The following CLSTN2 variants were observed in gnomAD, a reference collection of about 807,000 sequenced individuals.
The protein encoded by CLSTN2 is calsyntenin-2.
CLSTN2 carries 48 observed loss-of-function variants against 101.2 expected under a neutral mutation model. That is an observed-to-expected ratio of 0.47 (90% confidence interval 0.38 to 0.60). The LOEUF (loss-of-function observed/expected upper bound fraction) is 0.60, where lower values mean the gene tolerates loss of function less well. Ranked by LOEUF, CLSTN2 falls within the 20% of genes least tolerant of loss-of-function variation. The pLI is 0.00. For synonymous variants in CLSTN2, 481 were observed against 463.6 expected (o/e 1.04, Z -0.48); for missense variants, 1,160 against 1,238.2 (o/e 0.94, Z 0.95).
intron 9 of CLSTN2, among the ~76,000 whole-genome samples, chr3:140,542,675 T>A (rs900876571): frequency 1.3e-5 from 2 of 152,234 alleles, no homozygotes; most frequent in African/African-American, 4.8e-5. Context: ...TTGTCACTGA[T>A]AAATAGAGTG....
intron 1 of CLSTN2, among the ~76,000 whole-genome samples, chr3:140,008,928 C>T (rs1027423718): frequency 6.6e-6 from 1 of 152,194 alleles, no homozygotes; most frequent in Non-Finnish European, 1.5e-5. Context: ...GTTTTGCAGA[C>T]TTTCTCAAAT....
intron 5 of CLSTN2, among the ~76,000 whole-genome samples, chr3:140,447,122 C>T (rs1419024218): frequency 6.6e-6 from 1 of 152,198 alleles, no homozygotes; most frequent in Non-Finnish European, 1.5e-5. Flanking sequence ...GATACTGAGT[C>T]CCACAATGCA....
chr3:140,552,067 C>G (rs767428498), intron 10 of CLSTN2, among the ~76,000 whole-genome samples: 15 of 152,088 alleles, frequency 9.9e-5, no homozygotes, highest in Non-Finnish European at 2.1e-4. Context: ...GGGTTCCTAT[C>G]AAGTCATAGC....
At chr3:140,165,739 G>C (rs552386512) in intron 1 of CLSTN2, among the ~76,000 whole-genome samples, 10 of 152,212 alleles carry the variant, frequency 6.6e-5, no homozygotes, top group Admixed American at 5.2e-4. Flanking sequence ...GGCAGAATCA[G>C]ATTTGCCCTC....
intron 2 of CLSTN2, among the ~76,000 whole-genome samples, chr3:140,268,935 T>G (rs1026859928): frequency 8.5e-5 from 13 of 152,200 alleles, no homozygotes; most frequent in African/African-American, 3.1e-4. Context: ...AGTGGTGTTC[T>G]GGGCCCTGGA....
At chr3:140,090,813 T>C (rs1413465674) in intron 1 of CLSTN2, among the ~76,000 whole-genome samples, 1 of 152,000 alleles carries the variant, frequency 6.6e-6, no homozygotes, top group African/African-American at 2.4e-5. Context: ...AAGGGCAAGA[T>C]AGACCATTAA....
At chr3:140,524,680 C>T (rs1040215218) in intron 8 of CLSTN2, among the ~76,000 whole-genome samples, 1 of 152,148 alleles carries the variant, frequency 6.6e-6, no homozygotes, top group Non-Finnish European at 1.5e-5. Context: ...TAAGATCAAT[C>T]ACATGCTCAG....
At chr3:140,193,869 C>G (rs2010607744) in intron 2 of CLSTN2, among the ~76,000 whole-genome samples, 1 of 151,976 alleles carries the variant, frequency 6.6e-6, no homozygotes, top group South Asian at 2.1e-4. Flanking sequence ...TCCTATTTTT[C>G]TCTTTTCCTG....
At chr3:140,527,952 A>G (rs1246079280) in intron 8 of CLSTN2, among the ~76,000 whole-genome samples, 1 of 151,890 alleles carries the variant, frequency 6.6e-6, no homozygotes, top group East Asian at 1.9e-4. Context: ...GGGTTGAAAA[A>G]CCACCTATTG....
At chr3:140,178,807 G>A (rs745632714) in intron 2 of CLSTN2, among the ~76,000 whole-genome samples, 4 of 152,090 alleles carry the variant, frequency 2.6e-5, no homozygotes, top group African/African-American at 9.7e-5. Context: ...ATCACTCCTC[G>A]AAGTCAACTG....
intron 1 of CLSTN2, among the ~76,000 whole-genome samples, chr3:140,066,148 C>T (rs974594678): frequency 2.0e-5 from 3 of 152,186 alleles, no homozygotes; most frequent in African/African-American, 7.2e-5. Flanking sequence ...ATTTCTACTC[C>T]ACCATCCTAC....
chr3:140,446,166 G>A (rs1933072996), intron 5 of CLSTN2, among the ~76,000 whole-genome samples: 1 of 152,178 alleles, frequency 6.6e-6, no homozygotes, highest in African/African-American at 2.4e-5. Context: ...GCCACCTTTT[G>A]CTCCAGTGGT....
rs539340173 is a variant in CLSTN2 at position 140,178,229 on chromosome 3, C to T, written c.232+2156C>T. Among the ~76,000 whole-genome samples the T allele has an allele frequency of 2.0e-5, 3 of 151,868 alleles. No homozygotes were observed. The South Asian group carries it at 6.2e-4, about 32-fold the overall frequency. ...AGTTATAAGCTCTCTAATGTACAGA[C>T]CACAATAGAAAAAAAAAATACCTCA... On this transcript the variant is annotated intron_variant, in intron 2 of 16. Transcript: ENST00000458420.
At chr3:140,563,302 C>A in intron 15 of CLSTN2, 99 bp downstream of exon 15, 1 of 1,396,854 alleles carries the variant, frequency 7.2e-7, no homozygotes, top group Non-Finnish European at 9.8e-7. Flanking sequence ...AACGTAGGTG[C>A]CCAGAACTGA....
intron 6 of CLSTN2, among the ~76,000 whole-genome samples, chr3:140,456,875 G>T (rs1186638571): frequency 1.3e-5 from 2 of 152,024 alleles, no homozygotes; most frequent in Non-Finnish European, 2.9e-5. Context: ...ACCAGCACTG[G>T]GTTATTTTGT....
intron 2 of CLSTN2, among the ~76,000 whole-genome samples, chr3:140,320,474 A>T (rs2087271466): frequency 1.3e-5 from 2 of 152,130 alleles, no homozygotes; most frequent in Admixed American, 1.3e-4. Context: ...GTCAGATGCT[A>T]CTGGGCATAC....
intron 2 of CLSTN2, among the ~76,000 whole-genome samples, chr3:140,370,326 A>G (rs2087838507): frequency 6.6e-6 from 1 of 152,200 alleles, no homozygotes; most frequent in South Asian, 2.1e-4. Flanking sequence ...GTCAATAGTC[A>G]TGGGATTGAA....
chr3:140,554,906 T>A (rs1225764433), intron 10 of CLSTN2, among the ~76,000 whole-genome samples: 1 of 152,152 alleles, frequency 6.6e-6, no homozygotes, highest in African/African-American at 2.4e-5. Context: ...ACTTTTGATA[T>A]AAGAAAGAAA....
intron 1 of CLSTN2, among the ~76,000 whole-genome samples, chr3:140,157,308 A>C (rs953227909): frequency 6.6e-6 from 1 of 151,936 alleles, no homozygotes; most frequent in Non-Finnish European, 1.5e-5. Flanking sequence ...TTTCAGTAGG[A>C]TTGTTACCAG....
Sources: gnomAD v4.1 joint callset for allele counts (sites outside exome capture counted in the v4.1 genomes callset) on GRCh38, gnomAD v4.1.1 for gene constraint, MANE v1.5 for transcripts, NCBI Gene and HGNC (gene_info 2026-07-23, HGNC 2026-07-21) for gene names.